TSPAN9: variants seen among roughly 807,000 people sequenced by gnomAD.
TSPAN9 encodes the protein tetraspanin-9.
Under a neutral mutation model 31.0 loss-of-function variants are expected in TSPAN9, and 16 were observed. That is an observed-to-expected ratio of 0.52 (90% CI 0.35 to 0.78). The LOEUF (loss-of-function observed/expected upper bound fraction) is 0.78, where lower values mean the gene tolerates loss of function less well. Among genes scored for constraint, TSPAN9 ranks in the 30% least tolerant of loss-of-function variants. The pLI is 0.01. For missense variants in TSPAN9, 272 were observed against 312.5 expected (o/e 0.87, Z 0.98); for synonymous variants, 145 against 121.6 (o/e 1.19, Z -1.27).
chr12:3,118,252 C>G (rs532280977), intron 2 of TSPAN9, among the ~76,000 whole-genome samples: 1 of 38,822 alleles, frequency 2.6e-5, no homozygotes, highest in Non-Finnish European at 6.3e-5. Flanking sequence ...CCCCTGCACC[C>G]GCCGTTTTTT....
chr12:3,176,764 T>A (rs1291876711), intron 2 of TSPAN9, among the ~76,000 whole-genome samples: 1 of 152,218 alleles, frequency 6.6e-6, no homozygotes, highest in African/African-American at 2.4e-5. Flanking sequence ...CATCTTTACA[T>A]CATCTGCCTC....
chr12:3,160,524 C>T (rs1288159251), intron 2 of TSPAN9, among the ~76,000 whole-genome samples: 1 of 152,178 alleles, frequency 6.6e-6, no homozygotes, highest in African/African-American at 2.4e-5. Flanking sequence ...AACTGGTTTC[C>T]AAAGTGGCTA....
intron 2 of TSPAN9, among the ~76,000 whole-genome samples, chr12:3,198,999 C>T (rs1257456721): frequency 6.6e-6 from 1 of 152,244 alleles, no homozygotes; most frequent in African/African-American, 2.4e-5. Flanking sequence ...TCTGTGTCTG[C>T]CCATTTGTGC....
chr12:3,091,217 G>T (rs1023348223), intron 2 of TSPAN9, among the ~76,000 whole-genome samples: 1 of 152,200 alleles, frequency 6.6e-6, no homozygotes, highest in Admixed American at 6.5e-5. Flanking sequence ...CAACCACTAC[G>T]CTCCAGGCTT....
At chr12:3,205,451 G>T (rs940028488) in intron 3 of TSPAN9, among the ~76,000 whole-genome samples, 1 of 152,208 alleles carries the variant, frequency 6.6e-6, no homozygotes, top group Admixed American at 6.5e-5. Flanking sequence ...AGCATGGTCG[G>T]GCTCTCCAGC....
At position 3,192,388 on chromosome 12, in the gene TSPAN9, G is replaced by C. The variant is rs984911377; in HGVS notation, c.-17-8789G>C. Among the ~76,000 whole-genome samples, 1 of 152,154 alleles carries C rather than the reference G, an allele frequency of 6.6e-6. No homozygotes were observed. Among genetic ancestry groups the C allele is most frequent in the Admixed American group, 6.5e-5 (1 of 15,282 alleles). On this transcript the variant is annotated intron_variant, in intron 2 of 8. Transcript: ENST00000011898. This position sits in a 1 kb window ranked among gnomAD's most constrained non-coding sequence, Gnocchi z 4.6. ...GACCCCAGGCGAGCCATGAAGCAGGGCTGGACAAGGGCGGGGACGAGGAGG... is the reference window on the plus strand; with the variant it reads ...GACCCCAGGCGAGCCATGAAGCAGGCCTGGACAAGGGCGGGGACGAGGAGG...
intron 2 of TSPAN9, among the ~76,000 whole-genome samples, chr12:3,188,558 G>A (rs1348424018): frequency 1.3e-5 from 2 of 152,154 alleles, no homozygotes; most frequent in Admixed American, 6.6e-5. Context: ...CATTTCCTCT[G>A]GCAGCAGTGT....
intron 2 of TSPAN9, among the ~76,000 whole-genome samples, chr12:3,189,625 C>T (rs1325064427): frequency 2.0e-5 from 3 of 152,116 alleles, no homozygotes; most frequent in East Asian, 1.9e-4. Flanking sequence ...GCTTGGTAGC[C>T]TGGATGGCTG....
chr12:3,239,748 T>C (rs1310034174), intron 3 of TSPAN9, among the ~76,000 whole-genome samples: 1 of 152,122 alleles, frequency 6.6e-6, no homozygotes, highest in Non-Finnish European at 1.5e-5. Flanking sequence ...GGACTTATCC[T>C]TCTGGGAGGG....
At chr12:3,191,641 G>A (rs1305251718) in intron 2 of TSPAN9, among the ~76,000 whole-genome samples, 1 of 151,962 alleles carries the variant, frequency 6.6e-6, no homozygotes, top group Non-Finnish European at 1.5e-5. Flanking sequence ...TGCCTGCCCT[G>A]TGCCTGCCCT....
chr12:3,102,120 T>TTTTTTC (rs1186989708), intron 2 of TSPAN9, among the ~76,000 whole-genome samples: 5 of 151,208 alleles, frequency 3.3e-5, no homozygotes, highest in African/African-American at 9.9e-5. Context: ...CCCCCTGCCT[T>TTTTTTC]TTTTTCTTTT....
chr12:3,281,857 G>A (rs767222255), intron 8 of TSPAN9, 40 bp downstream of exon 8: 1 of 1,606,088 alleles, frequency 6.2e-7, no homozygotes, highest in South Asian at 1.1e-5. Flanking sequence ...CACCCTGCTG[G>A]CCTCAGCCTC....
chr12:3,229,042 T>A (rs1462391481), intron 3 of TSPAN9, among the ~76,000 whole-genome samples: 1 of 152,220 alleles, frequency 6.6e-6, no homozygotes, highest in South Asian at 2.1e-4. Flanking sequence ...CAGGATGATC[T>A]CCTTATTTCA....
At chr12:3,124,594 G>A (rs2098326508) in intron 2 of TSPAN9, among the ~76,000 whole-genome samples, 1 of 151,846 alleles carries the variant, frequency 6.6e-6, no homozygotes, top group Non-Finnish European at 1.5e-5. Flanking sequence ...ATTTTTAGTA[G>A]AGACAGGGTT....
chr12:3,209,885 G>A (rs1048520818), intron 3 of TSPAN9, among the ~76,000 whole-genome samples: 252 of 150,460 alleles, frequency 1.7e-3, no homozygotes, highest in Middle Eastern at 0.014. Flanking sequence ...CATGAACCCT[G>A]GAGGCAGAGC....
intron 2 of TSPAN9, among the ~76,000 whole-genome samples, chr12:3,158,275 G>C (rs1012818027): frequency 6.6e-6 from 1 of 152,166 alleles, no homozygotes; most frequent in Non-Finnish European, 1.5e-5. Flanking sequence ...TGTTCAGTCT[G>C]TCTGCTGCCT....
chr12:3,277,086 G>A (rs560334699), intron 3 of TSPAN9, among the ~76,000 whole-genome samples: 1 of 152,314 alleles, frequency 6.6e-6, no homozygotes, highest in Admixed American at 6.5e-5. Context: ...AGCAGTGCCC[G>A]GAGCTGGCCA....
intron 2 of TSPAN9, among the ~76,000 whole-genome samples, chr12:3,104,797 T>C (rs2098313482): frequency 6.6e-6 from 1 of 152,230 alleles, no homozygotes; most frequent in Non-Finnish European, 1.5e-5. Context: ...TGTCCGAGGA[T>C]ACAGAGCTAA....
chr12:3,138,843 C>T (rs1489401575), intron 2 of TSPAN9, among the ~76,000 whole-genome samples: 1 of 152,132 alleles, frequency 6.6e-6, no homozygotes, highest in Non-Finnish European at 1.5e-5. Flanking sequence ...TTTCCCTGCA[C>T]TTATCTGACT....
Sources: gnomAD v4.1 joint callset for allele counts (sites outside exome capture counted in the v4.1 genomes callset) on GRCh38, gnomAD v4.1.1 for gene constraint, Gnocchi (gnomAD v3.1) non-coding constraint, MANE v1.5 for transcripts, NCBI Gene and HGNC (gene_info 2026-07-23, HGNC 2026-07-21) for gene names.